PPP1R12A: variants seen among roughly 807,000 people sequenced by gnomAD.
PPP1R12A encodes the protein protein phosphatase 1 regulatory subunit 12A.
In PPP1R12A, 19 loss-of-function variants were observed where a neutral mutation model predicts 139.6. The ratio of observed to expected loss-of-function variants is 0.14; its 90% CI spans 0.09 to 0.20. The LOEUF (loss-of-function observed/expected upper bound fraction) is 0.20. Among genes scored for constraint, PPP1R12A ranks in the 10% least tolerant of loss-of-function variants. PPP1R12A has a pLI of 1.00. For synonymous variants in PPP1R12A, 427 were observed against 420.6 expected (o/e 1.02, Z -0.19); for missense variants, 925 against 1,211.5 (o/e 0.76, Z 3.51).
At chr12:79,833,132 G>A (rs766063641) in intron 3 of PPP1R12A, among the ~76,000 whole-genome samples, 10 of 152,064 alleles carry the variant, frequency 6.6e-5, no homozygotes, top group Non-Finnish European at 1.5e-4. Flanking sequence ...GAGGCCAGGC[G>A]AGGTGGCTCA....
intron 3 of PPP1R12A, among the ~76,000 whole-genome samples, chr12:79,844,209 T>C (rs1037650182): frequency 6.6e-6 from 1 of 152,168 alleles, no homozygotes; most frequent in Non-Finnish European, 1.5e-5. Flanking sequence ...TAGCAATCAC[T>C]GTTATCTATA....
Position 79,773,833 on chromosome 12 carries a change from A to T in PPP1R12A, c.*2096T>A, listed in dbSNP as rs1379656525. 1 of 152,224 alleles carries T rather than the reference A, an allele frequency of 6.6e-6. No homozygotes were observed. The highest frequency in any genetic ancestry group is 1.5e-5 in the Non-Finnish European group (1 of 68,022). 9.4% of individuals were successfully genotyped at this position (152,224 alleles called of 1,614,324 possible). A position where few individuals can be genotyped will look rare whatever the true frequency, so the allele number is the denominator to read the frequency against. On this transcript the variant is annotated 3_prime_UTR_variant, in exon 25 of 25. Coordinates refer to ENST00000450142, the MANE Select transcript of PPP1R12A (RefSeq NM_002480.3). ...AAGTTCACACATTTAAAATAGTTTT[A>T]TTCATTTTATTTGTATATGTCAAAA...
At chr12:79,829,518 A>G (rs184706090) in intron 4 of PPP1R12A, among the ~76,000 whole-genome samples, 161 of 152,154 alleles carry the variant, frequency 1.1e-3, no homozygotes, top group Non-Finnish European at 1.6e-3. Flanking sequence ...GTACTACTCA[A>G]TCAGCATATG....
chr12:79,799,340 G>T (rs996136420), intron 14 of PPP1R12A, among the ~76,000 whole-genome samples: 4 of 151,960 alleles, frequency 2.6e-5, no homozygotes, highest in Non-Finnish European at 5.9e-5. Flanking sequence ...GTGGAGATGG[G>T]GTTTCATCCA....
At chr12:79,918,909 A>C (rs1223506223) in intron 1 of PPP1R12A, among the ~76,000 whole-genome samples, 2 of 152,066 alleles carry the variant, frequency 1.3e-5, no homozygotes, top group East Asian at 3.9e-4. Context: ...TGAGGTCAGG[A>C]GTTTGAGACC....
Position 79,778,603 on chromosome 12 carries a change from A to G in PPP1R12A, c.2956-3T>C. 1 of 1,520,944 alleles carries G rather than the reference A, an allele frequency of 6.6e-7. No individual in the cohort carries two copies. The highest frequency in any genetic ancestry group is 8.9e-7 in the Non-Finnish European group (1 of 1,128,066). 94.2% of individuals were successfully genotyped at this position (1,520,944 alleles called of 1,614,324 possible). A position where few individuals can be genotyped will look rare whatever the true frequency, so the allele number is the denominator to read the frequency against. On this transcript the variant is annotated splice_region_variant and splice_polypyrimidine_tract_variant and intron_variant, in intron 23 of 24. Coordinates refer to ENST00000450142, the MANE Select transcript of PPP1R12A (RefSeq NM_002480.3). ...CTTCTTTCTAGAGCTCTTCGTTCCT[A>G]GATCGATTTAAGGTACCAATGTTAG...
At chr12:79,934,614 G>T (rs1391055486) in intron 1 of PPP1R12A, 81 bp downstream of exon 1, 2 of 1,272,972 alleles carry the variant, frequency 1.6e-6, no homozygotes, top group African/African-American at 1.5e-5. Context: ...GCCTCAAGAG[G>T]TGGAGAACTG....
intron 2 of PPP1R12A, among the ~76,000 whole-genome samples, chr12:79,858,105 A>T (rs34407673): frequency 0.1 from 15,601 of 152,226 alleles, 2,147 homozygotes; most frequent in African/African-American, 0.32. Flanking sequence ...TATTCTTGAC[A>T]AGAAATATAT....
intron 14 of PPP1R12A, among the ~76,000 whole-genome samples, chr12:79,801,387 C>G (rs12818530): frequency 0.25 from 20,807 of 83,576 alleles, 3,793 homozygotes; most frequent in African/African-American, 0.54. Flanking sequence ...AAAAAAAAAG[C>G]CTCTTTCTTT....
intron 1 of PPP1R12A, among the ~76,000 whole-genome samples, chr12:79,905,254 G>C (rs2137494512): frequency 6.6e-6 from 1 of 151,266 alleles, no homozygotes; most frequent in Non-Finnish European, 1.5e-5. Context: ...AGCACTACTA[G>C]AGCTTAACAA....
chr12:79,834,024 A>C (rs1440067792), intron 3 of PPP1R12A, among the ~76,000 whole-genome samples: 1 of 152,112 alleles, frequency 6.6e-6, no homozygotes, highest in Admixed American at 6.6e-5. Flanking sequence ...ATCCATCCAT[A>C]CATTTAATAT....
chr12:79,933,760 A>T (rs1888433606), intron 1 of PPP1R12A, among the ~76,000 whole-genome samples: 1 of 152,228 alleles, frequency 6.6e-6, no homozygotes, highest in Non-Finnish European at 1.5e-5. Context: ...TTATTTGGCT[A>T]ACATTGAGAG....
chr12:79,812,425 G>GT (rs1341444699), intron 9 of PPP1R12A, among the ~76,000 whole-genome samples: 1 of 34,942 alleles, frequency 2.9e-5, no homozygotes, highest in Non-Finnish European at 6.3e-5. Context: ...TGTGTGTAAC[G>GT]TTCCTTATAC....
intron 2 of PPP1R12A, among the ~76,000 whole-genome samples, chr12:79,847,322 T>C (rs902294451): frequency 6.6e-6 from 1 of 152,212 alleles, no homozygotes; most frequent in Non-Finnish European, 1.5e-5. Flanking sequence ...TCATTTAATA[T>C]TATTCTCTTA....
intron 2 of PPP1R12A, among the ~76,000 whole-genome samples, chr12:79,852,556 A>T (rs1472284280): frequency 2.0e-5 from 3 of 152,018 alleles, no homozygotes; most frequent in Admixed American, 2.0e-4. Context: ...ATCTTACTTA[A>T]ATTTTCTGTG....
At chr12:79,883,104 T>C (rs1161656711) in intron 1 of PPP1R12A, among the ~76,000 whole-genome samples, 1 of 152,070 alleles carries the variant, frequency 6.6e-6, no homozygotes, top group South Asian at 2.1e-4. Context: ...GCCACTGCAC[T>C]CCAGCCTCGG....
chr12:79,839,572 T>C (rs188959413), intron 3 of PPP1R12A, among the ~76,000 whole-genome samples: 19 of 152,258 alleles, frequency 1.2e-4, no homozygotes, highest in Non-Finnish European at 2.5e-4. Context: ...AACTGAATCA[T>C]GGGGGCAGTT....
At chr12:79,899,233 A>AT (rs1885406375) in intron 1 of PPP1R12A, among the ~76,000 whole-genome samples, 1 of 141,920 alleles carries the variant, frequency 7.0e-6, no homozygotes, top group African/African-American at 2.6e-5. Context: ...AGATCTTAAA[A>AT]ATATATATAT....
chr12:79,921,042 G>A lies in PPP1R12A; in HGVS notation c.237+13653C>T, dbSNP rs372774177. 8.0e-4 allele frequency among the ~76,000 whole-genome samples: 122 copies of A among 152,234 alleles called. No individual in the cohort carries two copies. In the South Asian group the frequency reaches 0.023, roughly 29 times the overall value. ...CCCAAATGGCTAATTTCATTTTACT[G>A]TCGACTCTATGAGGGTACTGTTGGT... On this transcript the variant is annotated intron_variant, in intron 1 of 24. Coordinates refer to ENST00000450142, the MANE Select transcript of PPP1R12A (RefSeq NM_002480.3).
Sources: allele counts gnomAD v4.1 joint callset (sites outside exome capture counted in the v4.1 genomes callset), GRCh38; gene constraint gnomAD v4.1.1; transcripts MANE v1.5; gene names NCBI Gene and HGNC (gene_info 2026-07-23, HGNC 2026-07-21).